ARHGEF3: variants seen among roughly 807,000 people sequenced by gnomAD.
ARHGEF3 encodes the protein Rho guanine nucleotide exchange factor 3, also known as 59.8 kDA protein.
A neutral mutation model predicts 63.2 loss-of-function variants in ARHGEF3; 28 were observed. That is an observed-to-expected ratio of 0.44 (90% confidence interval 0.33 to 0.61). ARHGEF3 has a LOEUF of 0.61. ARHGEF3 is among the 20% of genes least tolerant of loss of function. The pLI, the probability that ARHGEF3 is intolerant of heterozygous loss-of-function variation, is 0.03. For synonymous variants in ARHGEF3, 266 were observed against 254.2 expected (o/e 1.05, Z -0.44); for missense variants, 533 against 659.3 (o/e 0.81, Z 2.10).
At chr3:56,841,296 G>A (rs1399138065) in intron 4 of ARHGEF3, among the ~76,000 whole-genome samples, 1 of 152,204 alleles carries the variant, frequency 6.6e-6, no homozygotes, top group African/African-American at 2.4e-5. Context: ...ATTTCAAAGA[G>A]GTGGTGAGAA....
intron 1 of ARHGEF3, among the ~76,000 whole-genome samples, chr3:56,791,201 G>C (rs1278713923): frequency 6.6e-6 from 1 of 152,018 alleles, no homozygotes; most frequent in African/African-American, 2.4e-5. Context: ...CCCGGAGTTC[G>C]AGACCAGTCT....
chr3:57,007,307 G>A, intron 2 of ARHGEF3: 1 of 1,289,702 alleles, frequency 7.8e-7, no homozygotes, highest in Non-Finnish European at 1.0e-6. Flanking sequence ...GCCATTGATT[G>A]CGCTGGTTCC....
At chr3:57,028,707 TAAA>T (rs1703586713) in intron 2 of ARHGEF3, among the ~76,000 whole-genome samples, 2 of 139,138 alleles carry the variant, frequency 1.4e-5, no homozygotes, top group African/African-American at 5.9e-5. Flanking sequence ...AAAAAATAAA[TAAA>T]TAAATAAAAA....
chr3:56,979,116 T>C (rs966198475), intron 2 of ARHGEF3, among the ~76,000 whole-genome samples: 45 of 152,188 alleles, frequency 3.0e-4, no homozygotes, highest in African/African-American at 1.0e-3. Flanking sequence ...ATTGCACCAT[T>C]GTACTCCAGC....
chr3:56,887,306 G>A (rs1402210754), intron 3 of ARHGEF3, among the ~76,000 whole-genome samples: 4 of 152,194 alleles, frequency 2.6e-5, no homozygotes, highest in African/African-American at 4.8e-5. Flanking sequence ...CAGCAAGGGC[G>A]TCCCGCTGCC....
At chr3:56,960,310 A>G (rs1318666280) in intron 2 of ARHGEF3, among the ~76,000 whole-genome samples, 3 of 152,192 alleles carry the variant, frequency 2.0e-5, no homozygotes, top group Admixed American at 6.5e-5. Context: ...GCCTAGGGAT[A>G]TTAAGTGCTT....
chr3:56,735,429 C>T (rs2033542662), intron 8 of ARHGEF3, among the ~76,000 whole-genome samples: 1 of 151,998 alleles, frequency 6.6e-6, no homozygotes, highest in Non-Finnish European at 1.5e-5. Flanking sequence ...GTTTACAACT[C>T]TACCGGGTGA....
chr3:56,955,027 C>T (rs976732490), intron 3 of ARHGEF3, among the ~76,000 whole-genome samples: 11 of 152,130 alleles, frequency 7.2e-5, no homozygotes, highest in African/African-American at 2.7e-4. Context: ...ATCTTGCCTA[C>T]CAGCTTCTCC....
intron 2 of ARHGEF3, among the ~76,000 whole-genome samples, chr3:57,011,976 G>A (rs755419051): frequency 3.9e-5 from 6 of 152,098 alleles, no homozygotes; most frequent in Admixed American, 6.5e-5. Flanking sequence ...TGGGTCCTGG[G>A]TGGTCCTTGC....
intron 4 of ARHGEF3, among the ~76,000 whole-genome samples, chr3:56,848,855 G>A (rs975219470): frequency 1.3e-5 from 2 of 152,088 alleles, no homozygotes; most frequent in Admixed American, 6.6e-5. Context: ...TTTTAGTAGA[G>A]ACGGAGTATC....
In ARHGEF3 at chr3:57,044,136, A is replaced by G. The variant is rs13317153; in HGVS notation, c.-27-8960T>C. Among the ~76,000 whole-genome samples the G allele has an allele frequency of 2.2e-4, 34 of 152,274 alleles. 1 individual carries two copies. Among genetic ancestry groups the G allele is most frequent in the Middle Eastern group, 6.8e-3 (2 of 294 alleles). The stretch of plus-strand genomic sequence containing the variant: ...CAATGTGTGCACATGTGTCTCCCCA[A>G]CTGCACCAGGCTGTGTGGCACCCTG... On this transcript the variant is annotated intron_variant, in intron 1 of 12. Transcript: ENST00000338458.
At chr3:56,934,545 G>GC (rs1258281999) in intron 3 of ARHGEF3, among the ~76,000 whole-genome samples, 2 of 152,308 alleles carry the variant, frequency 1.3e-5, no homozygotes, top group East Asian at 1.9e-4. Flanking sequence ...GGGCTTGGCG[G>GC]CCCCCGCACT....
chr3:56,817,500 G>A (rs2038317442), intron 4 of ARHGEF3, among the ~76,000 whole-genome samples: 2 of 152,194 alleles, frequency 1.3e-5, no homozygotes, highest in African/African-American at 4.8e-5. Context: ...AATAAAGACA[G>A]GTTTGAGTTA....
intron 3 of ARHGEF3, among the ~76,000 whole-genome samples, chr3:56,895,575 T>C (rs1245478127): frequency 6.6e-6 from 1 of 152,144 alleles, no homozygotes; most frequent in Non-Finnish European, 1.5e-5. Context: ...GCCATTCTCC[T>C]GGCTCAGCCT....
intron 2 of ARHGEF3, among the ~76,000 whole-genome samples, chr3:56,994,754 C>T (rs931108874): frequency 6.6e-6 from 1 of 151,910 alleles, no homozygotes; most frequent in Non-Finnish European, 1.5e-5. Flanking sequence ...GAAGAAAATA[C>T]AAGATGCGGC....
intron 3 of ARHGEF3, chr3:56,958,677 G>T: frequency 1.2e-6 from 1 of 840,098 alleles, no homozygotes; most frequent in South Asian, 1.8e-5. Flanking sequence ...ATTCAAGTGT[G>T]ACTTCCCCAA....
intron 4 of ARHGEF3, among the ~76,000 whole-genome samples, chr3:56,853,367 G>A (rs772481799): frequency 2.0e-5 from 3 of 152,134 alleles, no homozygotes; most frequent in Non-Finnish European, 4.4e-5. Context: ...ATGGAGTTTA[G>A]CTCTTGTCCC....
chr3:56,891,315 G>A (rs1206401932), intron 3 of ARHGEF3, among the ~76,000 whole-genome samples: 1 of 150,100 alleles, frequency 6.7e-6, no homozygotes, highest in Admixed American at 6.7e-5. Flanking sequence ...ACCGTGCCTG[G>A]CCCCTACTCC....
chr3:56,793,486 A>G (rs1019650897), intron 1 of ARHGEF3, among the ~76,000 whole-genome samples: 1 of 151,890 alleles, frequency 6.6e-6, no homozygotes, highest in Non-Finnish European at 1.5e-5. Context: ...TATTTTTAGT[A>G]GAGACTGGGT....
Sources: gnomAD v4.1 joint callset for allele counts (sites outside exome capture counted in the v4.1 genomes callset) on GRCh38, gnomAD v4.1.1 for gene constraint, MANE v1.5 for transcripts, NCBI Gene and HGNC (gene_info 2026-07-23, HGNC 2026-07-21) for gene names.